The following GALNT17 variants were observed in gnomAD, a reference collection of about 807,000 sequenced individuals.
GALNT17 encodes polypeptide N-acetylgalactosaminyltransferase 17.
In GALNT17, 29 loss-of-function variants were observed where a neutral mutation model predicts 63.7. The ratio of observed to expected loss-of-function variants is 0.46; its 90% CI spans 0.34 to 0.62. The LOEUF (loss-of-function observed/expected upper bound fraction) is 0.62, where lower values mean the gene tolerates loss of function less well. Ranked by LOEUF, GALNT17 falls within the 20% of genes least tolerant of loss-of-function variation. GALNT17 has a pLI of 0.01. For synonymous variants in GALNT17, 305 were observed against 318.3 expected, an observed-to-expected ratio of 0.96 and a Z score of 0.45; for missense variants, 603 against 799.6, an observed-to-expected ratio of 0.75 and a Z score of 2.97.
intron 1 of GALNT17, among the ~76,000 whole-genome samples, chr7:71,274,068 G>A (rs1321661263): frequency 6.6e-6 from 1 of 152,226 alleles, no homozygotes; most frequent in Non-Finnish European, 1.5e-5. Flanking sequence ...TCTGGGTAGG[G>A]CGAGGGCATA....
chr7:71,211,994 C>A (rs2116394337), intron 1 of GALNT17, among the ~76,000 whole-genome samples: 1 of 152,292 alleles, frequency 6.6e-6, no homozygotes, highest in South Asian at 2.1e-4. Flanking sequence ...AAATTCAAGG[C>A]AGCTGCAGAA....
intron 5 of GALNT17, among the ~76,000 whole-genome samples, chr7:71,443,155 G>T (rs1340153571): frequency 1.3e-5 from 2 of 152,052 alleles, no homozygotes; most frequent in African/African-American, 4.8e-5. Context: ...TCATTTTCGA[G>T]GTCAGCTTCG....
At chr7:71,358,571 C>T (rs1792335650) in intron 2 of GALNT17, among the ~76,000 whole-genome samples, 1 of 152,084 alleles carries the variant, frequency 6.6e-6, no homozygotes, top group African/African-American at 2.4e-5. Context: ...CTAGATTTTC[C>T]TTGCGCTCTG....
intron 1 of GALNT17, among the ~76,000 whole-genome samples, chr7:71,326,160 G>C (rs1325124201): frequency 6.6e-6 from 1 of 152,098 alleles, no homozygotes; most frequent in African/African-American, 2.4e-5. Flanking sequence ...TGAAACCTAT[G>C]TATTAAAAAG....
At chr7:71,330,232 T>C (rs1583866213) in intron 1 of GALNT17, among the ~76,000 whole-genome samples, 1 of 152,160 alleles carries the variant, frequency 6.6e-6, no homozygotes, top group African/African-American at 2.4e-5. Flanking sequence ...AGGCTGGTCT[T>C]GAACTCCTGA....
chr7:71,570,010 G>A (rs376846888), intron 5 of GALNT17, among the ~76,000 whole-genome samples: 6 of 150,120 alleles, frequency 4.0e-5, no homozygotes, highest in African/African-American at 1.2e-4. Context: ...GTGTGTAAGT[G>A]TTTTCTTTTC....
intron 5 of GALNT17, among the ~76,000 whole-genome samples, chr7:71,508,240 A>G (rs1180208130): frequency 6.6e-6 from 1 of 152,114 alleles, no homozygotes; most frequent in Non-Finnish European, 1.5e-5. Flanking sequence ...CGCAACCTCC[A>G]CCGTAAGCGT....
At chr7:71,408,241 G>A (rs1793364873) in intron 3 of GALNT17, among the ~76,000 whole-genome samples, 1 of 152,056 alleles carries the variant, frequency 6.6e-6, no homozygotes. Flanking sequence ...GGGAATACTG[G>A]CAGGCATTTT....
chr7:71,180,219 G>C (rs907019509), intron 1 of GALNT17, among the ~76,000 whole-genome samples: 1 of 151,804 alleles, frequency 6.6e-6, no homozygotes, highest in East Asian at 1.9e-4. Context: ...TCTGCCTCCC[G>C]GGTTCAGTCG....
intron 5 of GALNT17, among the ~76,000 whole-genome samples, chr7:71,495,288 A>C (rs1788076921): frequency 6.6e-6 from 1 of 152,062 alleles, no homozygotes; most frequent in Non-Finnish European, 1.5e-5. Context: ...AAAAAAAAGA[A>C]AAGAAAAGGT....
At chr7:71,566,328 A>G (rs2116867511) in intron 5 of GALNT17, among the ~76,000 whole-genome samples, 1 of 152,196 alleles carries the variant, frequency 6.6e-6, no homozygotes, top group African/African-American at 2.4e-5. Flanking sequence ...TGTGATTTTA[A>G]CTACCCTGTT....
intron 1 of GALNT17, among the ~76,000 whole-genome samples, chr7:71,281,744 A>G (rs1032353066): frequency 1.3e-5 from 2 of 152,232 alleles, no homozygotes; most frequent in Non-Finnish European, 1.5e-5. Context: ...TGAATTTGGG[A>G]GACAATGATA....
intron 6 of GALNT17, among the ~76,000 whole-genome samples, chr7:71,594,751 T>C (rs1789861854): frequency 6.6e-6 from 1 of 152,206 alleles, no homozygotes; most frequent in African/African-American, 2.4e-5. Context: ...TCTAGCTATG[T>C]AGCAAATAGC....
chr7:71,217,701 C>T (rs1045793670), intron 1 of GALNT17, among the ~76,000 whole-genome samples: 2 of 151,124 alleles, frequency 1.3e-5, no homozygotes, highest in Middle Eastern at 3.6e-3. Flanking sequence ...TGAGGTGGGC[C>T]GATCACAAGG....
intron 6 of GALNT17, among the ~76,000 whole-genome samples, chr7:71,592,410 A>G (rs1057283872): frequency 6.6e-6 from 1 of 151,672 alleles, no homozygotes; most frequent in Non-Finnish European, 1.5e-5. Context: ...CAGGAGAATC[A>G]CTTGAACTTG....
chr7:71,429,996 C>T (rs539499324), intron 5 of GALNT17, among the ~76,000 whole-genome samples: 2 of 152,118 alleles, frequency 1.3e-5, no homozygotes, highest in African/African-American at 2.4e-5. Context: ...CGTGAGCCAC[C>T]GTGCCTGGCT....
intron 6 of GALNT17, among the ~76,000 whole-genome samples, chr7:71,598,242 G>A (rs1016472872): frequency 3.9e-5 from 6 of 152,168 alleles, no homozygotes; most frequent in South Asian, 2.1e-4. Context: ...GTGCCCGGCC[G>A]GTAGTTTCAT....
chr7:71,355,907 A>G (rs900814029), intron 2 of GALNT17, among the ~76,000 whole-genome samples: 9 of 152,124 alleles, frequency 5.9e-5, no homozygotes, highest in African/African-American at 1.9e-4. Context: ...GTGTATTTCT[A>G]TCACATGAGG....
Position 71,390,124 on chromosome 7 carries a change from T to C in GALNT17, c.589+1723T>C, listed in dbSNP as rs560649610. On this transcript the variant is annotated intron_variant, in intron 3 of 10. Transcript: ENST00000333538. ...AGTGCCTGAAGGCCAAGAAAGCTTATCTTCTCAGCAACTACAGGATTAGGA... is the reference window on the plus strand; with the variant it reads ...AGTGCCTGAAGGCCAAGAAAGCTTACCTTCTCAGCAACTACAGGATTAGGA... Among the ~76,000 whole-genome samples, 6 of 152,260 alleles carry C rather than the reference T, an allele frequency of 3.9e-5. No individual in the cohort carries two copies. The South Asian group carries it at 8.3e-4, about 21-fold the overall frequency.
Sources: allele counts gnomAD v4.1 joint callset (sites outside exome capture counted in the v4.1 genomes callset), GRCh38; gene constraint gnomAD v4.1.1; transcripts MANE v1.5; gene names NCBI Gene and HGNC (gene_info 2026-07-23, HGNC 2026-07-21).